Variants in BAZ2B observed in about 807,000 individuals in gnomAD.
BAZ2B encodes the protein bromodomain adjacent to zinc finger domain 2B.
In BAZ2B, 91 loss-of-function variants were observed where a neutral mutation model predicts 246.0. That is an observed-to-expected ratio of 0.37 (90% CI 0.31 to 0.44). BAZ2B has a LOEUF of 0.44. Among genes scored for constraint, BAZ2B ranks in the 20% least tolerant of loss-of-function variants. The probability of loss-of-function intolerance (pLI) is 1.00; values close to 1 mark genes in which losing one functional copy is unlikely to be tolerated. For missense variants in BAZ2B, 2,332 were observed against 2,533.7 expected, an observed-to-expected ratio of 0.92 and a Z score of 1.71; for synonymous variants, 855 against 860.0, an observed-to-expected ratio of 0.99 and a Z score of 0.10.
At chr2:159,656,283 A>G in the BAZ2B span, among the ~76,000 whole-genome samples, 1 of 152,172 alleles carries the variant, frequency 6.6e-6, no homozygotes, top group African/African-American at 2.4e-5. Flanking sequence ...AGTTATTAAT[A>G]TCTTGAATTA....
chr2:159,435,364 GT>G (rs1346545938), intron 8 of BAZ2B: 9 of 143,672 alleles, frequency 6.3e-5, no homozygotes, highest in South Asian at 2.2e-4. Context: ...GTTTTTTTTA[GT>G]TTTTTTTTTG....
At chr2:159,417,687 G>A (rs1234662314) in intron 13 of BAZ2B, among the ~76,000 whole-genome samples, 1 of 152,150 alleles carries the variant, frequency 6.6e-6, no homozygotes, top group African/African-American at 2.4e-5. Flanking sequence ...TTATAAAAAT[G>A]AAGTTTTCAC....
At chr2:159,596,139 C>T (rs1422872279) in intron 1 of BAZ2B, among the ~76,000 whole-genome samples, 7 of 152,106 alleles carry the variant, frequency 4.6e-5, no homozygotes, top group African/African-American at 1.2e-4. Context: ...TCCTAAAGAA[C>T]GGATTCTTGT....
At chr2:159,500,930 G>C (rs1252010639) in intron 2 of BAZ2B, among the ~76,000 whole-genome samples, 1 of 149,438 alleles carries the variant, frequency 6.7e-6, no homozygotes, top group Non-Finnish European at 1.5e-5. Context: ...CTCCAGCCTG[G>C]GTGACAGAGC....
At chr2:159,576,937 A>T (rs1018253637) in intron 1 of BAZ2B, among the ~76,000 whole-genome samples, 6 of 133,050 alleles carry the variant, frequency 4.5e-5, no homozygotes. Flanking sequence ...AAAAAAAAGG[A>T]AAGTGTGGCC....
In BAZ2B at chr2:159,325,788, G is replaced by A. The variant is rs760992884; in HGVS notation, c.6074C>T (p.Ser2025Leu). The A allele has an allele frequency of 5.0e-6, 8 of 1,607,376 alleles. No homozygotes were observed. Among genetic ancestry groups the A allele is most frequent in the African/African-American group, 1.3e-5 (1 of 74,448 alleles). Residue 2025 changes from serine to leucine, a missense_variant, in exon 35 of 37, where the codon TCA (serine) becomes TTA (leucine). Physicochemically the swap from Ser to Leu is moderately radical, Grantham distance 145. Around this residue, in one of 9 missense-constraint regions of BAZ2B, gnomAD observed 210 missense variants for 232.5 expected, o/e 0.90. Transcript: ENST00000392783. ...GAGGTCTTTGTTTCCTCTTTTTAGT[G>A]AACTACTTGTAGATGCAGAGTCTTC... The part of the protein sequence containing the change: ...EDEDSASTSS[S>L]LKRGNKDLKK...
At chr2:159,357,115 G>C (rs558323957) in intron 27 of BAZ2B, among the ~76,000 whole-genome samples, 7 of 152,058 alleles carry the variant, frequency 4.6e-5, no homozygotes, top group Non-Finnish European at 7.4e-5. Flanking sequence ...AAAACTGGAC[G>C]CAGAATGAGT....
At chr2:159,680,824 G>A in the BAZ2B span, among the ~76,000 whole-genome samples, 12 of 152,232 alleles carry the variant, frequency 7.9e-5, no homozygotes, top group African/African-American at 2.6e-4. Context: ...CCTATTGCCC[G>A]GGATCCAGTT....
At chr2:159,342,909 A>G (rs2066995220) in intron 31 of BAZ2B, among the ~76,000 whole-genome samples, 1 of 152,248 alleles carries the variant, frequency 6.6e-6, no homozygotes, top group Non-Finnish European at 1.5e-5. Flanking sequence ...ACAGAAATAA[A>G]GAAAAAATAT....
At chr2:159,644,497 C>T in the BAZ2B span, among the ~76,000 whole-genome samples, 1 of 152,206 alleles carries the variant, frequency 6.6e-6, no homozygotes, top group African/African-American at 2.4e-5. Flanking sequence ...AAGAAGCTGT[C>T]TTGCCCCTTA....
chr2:159,656,453 G>A, the BAZ2B span, among the ~76,000 whole-genome samples: 4 of 152,036 alleles, frequency 2.6e-5, no homozygotes, highest in Admixed American at 1.3e-4. Context: ...ATAGTTTCAC[G>A]ATTCTAAAAA....
chr2:159,383,747 G>A, intron 23 of BAZ2B, 67 bp from the exon 24 acceptor site: 2 of 1,339,972 alleles, frequency 1.5e-6, no homozygotes, highest in Non-Finnish European at 2.1e-6. Flanking sequence ...AATTTGATAT[G>A]CAATAAACTT....
intron 1 of BAZ2B, among the ~76,000 whole-genome samples, chr2:159,589,724 T>C (rs1423721952): frequency 6.6e-6 from 1 of 152,208 alleles, no homozygotes; most frequent in Non-Finnish European, 1.5e-5. Context: ...TATTAGTAAA[T>C]GTATATAATC....
chr2:159,709,885 AAT>A, the BAZ2B span, among the ~76,000 whole-genome samples: 3 of 152,246 alleles, frequency 2.0e-5, no homozygotes, highest in African/African-American at 7.2e-5. Context: ...AAAATTGGTT[AAT>A]AGTCAATAAG....
the BAZ2B span, among the ~76,000 whole-genome samples, chr2:159,663,692 T>C: frequency 6.6e-6 from 1 of 151,772 alleles, no homozygotes; most frequent in Non-Finnish European, 1.5e-5. Context: ...CTAATTTTTG[T>C]ATTTTTGGTA....
chr2:159,601,104 A>G (rs1482373015), intron 1 of BAZ2B, among the ~76,000 whole-genome samples: 5 of 152,226 alleles, frequency 3.3e-5, no homozygotes, highest in Non-Finnish European at 5.9e-5. Flanking sequence ...CAAGAGACTC[A>G]GAGAAAAAGT....
intron 3 of BAZ2B, among the ~76,000 whole-genome samples, chr2:159,475,295 A>G (rs992517064): frequency 6.6e-6 from 1 of 151,682 alleles, no homozygotes; most frequent in African/African-American, 2.4e-5. Context: ...GCTTTATTTC[A>G]TTATGTTGGT....
chr2:159,695,045 TTTGA>T, the BAZ2B span: 1 of 152,224 alleles, frequency 6.6e-6, no homozygotes, highest in Non-Finnish European at 1.5e-5. Flanking sequence ...CCCTTGTGGT[TTTGA>T]TTTACATTTC....
the BAZ2B span, among the ~76,000 whole-genome samples, chr2:159,707,886 G>A: frequency 6.6e-6 from 1 of 152,134 alleles, no homozygotes; most frequent in Non-Finnish European, 1.5e-5. Flanking sequence ...AGCTACTCGG[G>A]AGGCTGAGGC....
Sources: allele counts gnomAD v4.1 joint callset (sites outside exome capture counted in the v4.1 genomes callset), GRCh38; gene constraint gnomAD v4.1.1; regional missense constraint gnomAD v4.1.1; transcripts MANE v1.5; gene names NCBI Gene and HGNC (gene_info 2026-07-23, HGNC 2026-07-21).